DLGAP2: variants seen among roughly 807,000 people sequenced by gnomAD.
DLGAP2 encodes disks large-associated protein 2.
In DLGAP2, 26 loss-of-function variants were observed where a neutral mutation model predicts 100.3. That is an observed-to-expected ratio of 0.26 (90% CI 0.19 to 0.36). The LOEUF (loss-of-function observed/expected upper bound fraction) is 0.36. Among genes scored for constraint, DLGAP2 ranks in the 10% least tolerant of loss-of-function variants. The pLI is 1.00. For missense variants in DLGAP2, 1,858 were observed against 1,453.2 expected (o/e 1.28, Z -4.53); for synonymous variants, 886 against 630.1 (o/e 1.41, Z -6.08).
chr8:859,697 G>A (rs570496196), intron 1 of DLGAP2, among the ~76,000 whole-genome samples: 2 of 152,260 alleles, frequency 1.3e-5, no homozygotes, highest in East Asian at 3.9e-4. Context: ...AGCAGAACGA[G>A]AAGTTGTTAG....
chr8:1,188,875 C>T (rs1797573315), intron 2 of DLGAP2, among the ~76,000 whole-genome samples: 1 of 152,220 alleles, frequency 6.6e-6, no homozygotes, highest in African/African-American at 2.4e-5. Flanking sequence ...AAAAAAGCAC[C>T]TCCAAATATA....
intron 10 of DLGAP2, among the ~76,000 whole-genome samples, chr8:1,674,510 G>T (rs530352658): frequency 2.3e-3 from 355 of 152,318 alleles, no homozygotes; most frequent in African/African-American, 8.1e-3. Flanking sequence ...CTTTGTTTAG[G>T]CTGGATTCCT....
intron 2 of DLGAP2, among the ~76,000 whole-genome samples, chr8:967,877 T>C (rs1340520954): frequency 1.1e-5 from 1 of 94,190 alleles, no homozygotes; most frequent in Non-Finnish European, 2.0e-5. Context: ...TATATATAAA[T>C]ACTTTAAACT....
chr8:1,494,290 C>G (rs1340017870), intron 3 of DLGAP2, among the ~76,000 whole-genome samples: 2 of 152,360 alleles, frequency 1.3e-5, no homozygotes, highest in East Asian at 3.9e-4. Context: ...CCTTTTGCTT[C>G]CGCATTAGCA....
At chr8:1,230,519 T>C (rs1187703732) in intron 2 of DLGAP2, among the ~76,000 whole-genome samples, 4 of 152,120 alleles carry the variant, frequency 2.6e-5, no homozygotes. Context: ...TATTCTAAAA[T>C]TCATGTAGAA....
At chr8:875,533 G>A (rs987531620) in intron 1 of DLGAP2, among the ~76,000 whole-genome samples, 1 of 152,160 alleles carries the variant, frequency 6.6e-6, no homozygotes, top group African/African-American at 2.4e-5. Context: ...ATGTGAAGAA[G>A]GATGTGTTTG....
chr8:1,160,255 T>C (rs1262259852), intron 2 of DLGAP2, among the ~76,000 whole-genome samples: 1 of 152,194 alleles, frequency 6.6e-6, no homozygotes, highest in Non-Finnish European at 1.5e-5. Flanking sequence ...GACCTAGGCA[T>C]GGAACCACGG....
intron 4 of DLGAP2, among the ~76,000 whole-genome samples, chr8:1,507,212 C>T (rs915978877): frequency 3.9e-5 from 6 of 152,212 alleles, no homozygotes; most frequent in Non-Finnish European, 5.9e-5. Context: ...CAGGGGGCAG[C>T]GTCCATCAGG....
intron 3 of DLGAP2, among the ~76,000 whole-genome samples, chr8:1,499,986 G>C (rs1034127776): frequency 2.0e-5 from 3 of 151,256 alleles, no homozygotes; most frequent in Admixed American, 1.3e-4. Flanking sequence ...ACTTGGGTGG[G>C]GGGGGTGGGG....
intron 3 of DLGAP2, among the ~76,000 whole-genome samples, chr8:1,347,510 A>G (rs975255097): frequency 6.6e-6 from 1 of 152,074 alleles, no homozygotes; most frequent in African/African-American, 2.4e-5. Context: ...CATTTCCCAC[A>G]TAGAGCTACA....
chr8:1,553,180 C>A (rs1317575825), intron 5 of DLGAP2, among the ~76,000 whole-genome samples: 3 of 152,158 alleles, frequency 2.0e-5, no homozygotes, highest in Admixed American at 6.5e-5. Context: ...CCCTCGGCCT[C>A]TGTCCCCGCC....
At chr8:794,033 C>T (rs1293087449) in intron 1 of DLGAP2, among the ~76,000 whole-genome samples, 2 of 151,912 alleles carry the variant, frequency 1.3e-5, no homozygotes, top group Non-Finnish European at 2.9e-5. Context: ...GGATGGGGTC[C>T]CTGGTGGCGT....
chr8:1,256,849 G>A lies in DLGAP2; in HGVS notation c.74-2002G>A, dbSNP rs925286152. ...GGCCCGAGTCTGAGCTGGCTGCCCC[G>A]TGTCCCCTGGGTAACAGGAGCCCCG... On this transcript the variant is annotated intron_variant, in intron 2 of 14. Coordinates refer to ENST00000637795, the MANE Select transcript of DLGAP2 (RefSeq NM_001346810.2). Among the ~76,000 whole-genome samples the A allele has an allele frequency of 7.9e-5, 12 of 152,236 alleles. 1 individual carries two copies. The highest frequency in any genetic ancestry group is 6.2e-4 in the South Asian group (3 of 4,832).
At chr8:915,343 C>G (rs575192912) in intron 2 of DLGAP2, among the ~76,000 whole-genome samples, 1 of 152,084 alleles carries the variant, frequency 6.6e-6, no homozygotes, top group Non-Finnish European at 1.5e-5. Context: ...GTCAGGAGAT[C>G]GGGACCGTCC....
Position 787,623 on chromosome 8 carries a change from G to C in DLGAP2, c.18+49798G>C, listed in dbSNP as rs905849575. On this transcript the variant is annotated intron_variant, in intron 1 of 14. Transcript: ENST00000637795. ...GGAAGCTGGCAGCGCCCGGAGTCAG[G>C]TTCCACCAGCCGGTGGCCTCTTCCC... Among the ~76,000 whole-genome samples, 4 of 152,292 alleles carry C rather than the reference G, an allele frequency of 2.6e-5. No homozygotes were observed. In the South Asian group the frequency reaches 6.2e-4, roughly 24 times the overall value.
At chr8:1,268,258 G>A (rs4272406) in intron 3 of DLGAP2, among the ~76,000 whole-genome samples, 69,395 of 151,972 alleles carry the variant, frequency 0.46, 16,092 homozygotes, top group Non-Finnish European at 0.49. Context: ...ACATCAGGCC[G>A]TGGGTTTAGT....
intron 1 of DLGAP2, among the ~76,000 whole-genome samples, chr8:776,618 C>T (rs918353679): frequency 6.6e-6 from 1 of 152,124 alleles, no homozygotes; most frequent in African/African-American, 2.4e-5. Context: ...CCCAGTAGTC[C>T]TTCAGGAGCA....
At chr8:1,271,414 G>T (rs1043182014) in intron 3 of DLGAP2, among the ~76,000 whole-genome samples, 1 of 152,166 alleles carries the variant, frequency 6.6e-6, no homozygotes, top group Non-Finnish European at 1.5e-5. Flanking sequence ...TTATTCTGGA[G>T]ACTTGACTTT....
intron 2 of DLGAP2, among the ~76,000 whole-genome samples, chr8:1,066,417 G>A (rs998397826): frequency 1.3e-5 from 2 of 150,206 alleles, no homozygotes; most frequent in East Asian, 2.0e-4. Context: ...TCCCCACCAC[G>A]GTCAGGTCTG....
Sources: allele counts gnomAD v4.1 joint callset (sites outside exome capture counted in the v4.1 genomes callset), GRCh38; gene constraint gnomAD v4.1.1; transcripts MANE v1.5; gene names NCBI Gene and HGNC (gene_info 2026-07-23, HGNC 2026-07-21).